SYNPO: variants seen among roughly 807,000 people sequenced by gnomAD.
SYNPO encodes synaptopodin.
A neutral mutation model predicts 49.5 loss-of-function variants in SYNPO; 19 were observed. The observed-to-expected ratio is 0.38, with a 90% CI of 0.27 to 0.56. The LOEUF (loss-of-function observed/expected upper bound fraction) is 0.56, where lower values mean the gene tolerates loss of function less well. Among genes scored for constraint, SYNPO ranks in the 20% least tolerant of loss-of-function variants. The probability of loss-of-function intolerance (pLI) is 0.68; values close to 1 mark genes in which losing one functional copy is unlikely to be tolerated. For synonymous variants in SYNPO, 536 were observed against 548.0 expected (o/e 0.98, Z 0.31); for missense variants, 1,131 against 1,248.3 (o/e 0.91, Z 1.42).
At chr5:150,638,011 G>T (rs546360321), upstream of SYNPO, among the ~76,000 whole-genome samples, 49 of 152,158 alleles carry the variant, frequency 3.2e-4, no homozygotes, top group Admixed American at 1.6e-3. Flanking sequence ...ATTCACCCCT[G>T]GCCTCTGGGC....
intron 2 of SYNPO, among the ~76,000 whole-genome samples, chr5:150,627,742 C>T (rs181432873): frequency 3.3e-5 from 5 of 152,108 alleles, no homozygotes; most frequent in African/African-American, 1.2e-4. Flanking sequence ...TCAAGGCTTT[C>T]TGGGGAAGGT....
chr5:150,650,345 G>C (rs1378393397), intron 2 of SYNPO, 42 bp downstream of exon 2: 2 of 1,613,000 alleles, frequency 1.2e-6, no homozygotes, highest in African/African-American at 1.3e-5. Context: ...GAACCCCACG[G>C]GGGTCCCACT....
At chr5:150,590,040 A>G in the SYNPO span, among the ~76,000 whole-genome samples, 1 of 152,262 alleles carries the variant, frequency 6.6e-6, no homozygotes, top group South Asian at 2.1e-4. Context: ...AAGCCCGCGC[A>G]GAGGGCTGCC....
At chr5:150,620,342 C>T (rs546467822) in intron 2 of SYNPO, among the ~76,000 whole-genome samples, 1 of 152,184 alleles carries the variant, frequency 6.6e-6, no homozygotes, top group Non-Finnish European at 1.5e-5. Flanking sequence ...TTGTTAGAAG[C>T]CTTTATGTGC....
chr5:150,632,218 G>A (rs140790027), intron 2 of SYNPO, among the ~76,000 whole-genome samples: 302 of 152,260 alleles, frequency 2.0e-3, no homozygotes, highest in African/African-American at 6.6e-3. Context: ...TGCAGTATCA[G>A]CATCACCCAG....
At chr5:150,598,849 C>A (rs764619661), upstream of SYNPO, among the ~76,000 whole-genome samples, 25 of 151,990 alleles carry the variant, frequency 1.6e-4, no homozygotes, top group Non-Finnish European at 3.2e-4. Flanking sequence ...TCCCCAGAGG[C>A]CTGAAGGTGC....
intron 2 of SYNPO, chr5:150,650,712 C>G: frequency 2.2e-6 from 3 of 1,362,352 alleles, no homozygotes; most frequent in Non-Finnish European, 2.8e-6. Flanking sequence ...ACAGGGACTT[C>G]TGGAGCAGAC....
At chr5:150,610,801 C>A (rs555166686) in intron 1 of SYNPO, among the ~76,000 whole-genome samples, 1 of 152,156 alleles carries the variant, frequency 6.6e-6, no homozygotes, top group African/African-American at 2.4e-5. Flanking sequence ...AAAAAGAATG[C>A]TAACATATGA....
chr5:150,642,166 A>T (rs7737884), intron 1 of SYNPO, among the ~76,000 whole-genome samples: 1 of 152,108 alleles, frequency 6.6e-6, no homozygotes, highest in African/African-American at 2.4e-5. Flanking sequence ...GGGCTGCAGC[A>T]GGGGCTCAGT....
chr5:150,656,300 C>G, intron 2 of SYNPO, 104 bp from the exon 3 acceptor site: 1 of 963,080 alleles, frequency 1.0e-6, no homozygotes, highest in Non-Finnish European at 1.5e-6. Flanking sequence ...TCGGTGGCTT[C>G]CCTTCTCGGT....
chr5:150,636,149 T>G (rs1757708753), upstream of SYNPO, among the ~76,000 whole-genome samples: 1 of 152,168 alleles, frequency 6.6e-6, no homozygotes, highest in Admixed American at 6.5e-5. Flanking sequence ...TGGCCCTTAG[T>G]TGGTGTGTAA....
At chr5:150,646,354 A>C (rs1758092663) in intron 1 of SYNPO, among the ~76,000 whole-genome samples, 1 of 152,100 alleles carries the variant, frequency 6.6e-6, no homozygotes, top group Non-Finnish European at 1.5e-5. Context: ...AGTAAAAATA[A>C]AATAAAAATG....
the SYNPO span, among the ~76,000 whole-genome samples, chr5:150,586,200 C>T: frequency 3.9e-4 from 60 of 152,234 alleles, 1 homozygote; most frequent in Non-Finnish European, 1.3e-4. Flanking sequence ...GAAGGGAAAG[C>T]TCATGCTTGA....
At chr5:150,645,146 C>T (rs1314137948) in intron 1 of SYNPO, among the ~76,000 whole-genome samples, 1 of 152,202 alleles carries the variant, frequency 6.6e-6, no homozygotes, top group Non-Finnish European at 1.5e-5. Context: ...ACCTATAAAA[C>T]AGGGTGGTGA....
chr5:150,647,561 T>A (rs1758149376), intron 1 of SYNPO, among the ~76,000 whole-genome samples: 1 of 152,118 alleles, frequency 6.6e-6, no homozygotes, highest in African/African-American at 2.4e-5. Context: ...AGCAAGCCAG[T>A]GTGGCAGAGC....
At chr5:150,618,468 C>A in exon 2 of SYNPO, 8 of 1,551,618 alleles carry the variant, frequency 5.2e-6, no homozygotes, top group South Asian at 1.2e-5. Flanking sequence ...AGGTGTCTGG[C>A]TCTGGAAGCC....
At chr5:150,618,815 C>G in intron 2 of SYNPO, 1 of 1,547,848 alleles carries the variant, frequency 6.5e-7, no homozygotes, top group Admixed American at 2.0e-5. Context: ...CACTGGAGAC[C>G]CCCCAGGTCC....
chr5:150,624,045 C>T (rs964354455), intron 2 of SYNPO, among the ~76,000 whole-genome samples: 1 of 152,336 alleles, frequency 6.6e-6, no homozygotes, highest in African/African-American at 2.4e-5. Flanking sequence ...TGGCCACTGC[C>T]ATGGGGCTTC....
chr5:150,593,203 C>T, the SYNPO span, among the ~76,000 whole-genome samples: 1 of 152,216 alleles, frequency 6.6e-6, no homozygotes, highest in Admixed American at 6.5e-5. Flanking sequence ...CCTGGAGGCC[C>T]TGACTTGTGT....
Sources: allele counts gnomAD v4.1 joint callset (sites outside exome capture counted in the v4.1 genomes callset), GRCh38; gene constraint gnomAD v4.1.1; transcripts MANE v1.5; gene names NCBI Gene and HGNC (gene_info 2026-07-23, HGNC 2026-07-21).